Variants in IRGM observed in about 807,000 individuals in gnomAD.
IRGM encodes immunity related GTPase M, also known as immunity-related GTPase family M protein.
For synonymous variants in IRGM, 98 were observed against 80.6 expected, an observed-to-expected ratio of 1.22 and a Z score of -1.16; for missense variants, 288 against 219.9, an observed-to-expected ratio of 1.31 and a Z score of -1.96.
chr5:150,859,014 T>A (rs1388219237), intron 1 of IRGM, among the ~76,000 whole-genome samples: 3 of 152,190 alleles, frequency 2.0e-5, no homozygotes, highest in African/African-American at 7.2e-5. Flanking sequence ...CCATTTTCAA[T>A]GGGAATGCTT....
In IRGM at chr5:150,876,339, C is replaced by A. The variant is rs180879985; in HGVS notation, c.159-1641C>A. On this transcript the variant is annotated intron_variant and NMD_transcript_variant, in intron 1 of 3. Transcript: ENST00000520549. ...TCCATCACCTCTAATGACACACTAGCAAAATTTTTGTTTCCTGTTCCCATG... is the reference window on the plus strand; with the variant it reads ...TCCATCACCTCTAATGACACACTAGAAAAATTTTTGTTTCCTGTTCCCATG... Among the ~76,000 whole-genome samples the A allele has an allele frequency of 3.9e-3, 593 of 152,282 alleles. 8 individuals are homozygous for A. Among genetic ancestry groups the A allele is most frequent in the African/African-American group, 0.014 (561 of 41,550 alleles).
intron 1 of IRGM, among the ~76,000 whole-genome samples, chr5:150,858,910 C>T (rs1957705903): frequency 6.6e-6 from 1 of 152,122 alleles, no homozygotes; most frequent in Non-Finnish European, 1.5e-5. Context: ...TAATTGGATA[C>T]CCTTTATTTC....
chr5:150,884,243 C>T (rs1754485576), intron 3 of IRGM, among the ~76,000 whole-genome samples: 1 of 151,894 alleles, frequency 6.6e-6, no homozygotes, highest in African/African-American at 2.4e-5. Flanking sequence ...ATACTTTATA[C>T]TTATATTTAT....
chr5:150,867,676 T>C (rs538733692), intron 1 of IRGM, among the ~76,000 whole-genome samples: 20 of 152,164 alleles, frequency 1.3e-4, no homozygotes, highest in Admixed American at 1.1e-3. Context: ...TAGTCATCCT[T>C]GCAGGAGTAA....
chr5:150,866,037 G>A lies in IRGM; in HGVS notation c.159-11943G>A, dbSNP rs528961047. 5.3e-5 allele frequency among the ~76,000 whole-genome samples: 8 copies of A among 152,300 alleles called. No homozygotes were observed. In the East Asian group the frequency reaches 1.2e-3, roughly 22 times the overall value. On this transcript the variant is annotated intron_variant and NMD_transcript_variant, in intron 1 of 3. Coordinates refer to the IRGM transcript ENST00000520549. ...CTCCCAAAGTGCTAGGATTAGAGGCGTTTGCCACTGCGCTCAGCCAAGGAT... is the reference window on the plus strand; with the variant it reads ...CTCCCAAAGTGCTAGGATTAGAGGCATTTGCCACTGCGCTCAGCCAAGGAT...
At chr5:150,889,275 C>A (rs1191480547) in intron 3 of IRGM, among the ~76,000 whole-genome samples, 4 of 151,964 alleles carry the variant, frequency 2.6e-5, no homozygotes, top group Non-Finnish European at 5.9e-5. Context: ...GGAGGCCTCA[C>A]AATCATGGCA....
At chr5:150,856,184 G>T (rs908335401) in intron 1 of IRGM, among the ~76,000 whole-genome samples, 1 of 152,122 alleles carries the variant, frequency 6.6e-6, no homozygotes, top group Non-Finnish European at 1.5e-5. Context: ...TGTAATCCCA[G>T]CACTTTGAGA....
chr5:150,849,953 T>C (rs1047713602), downstream of IRGM, among the ~76,000 whole-genome samples: 2 of 152,154 alleles, frequency 1.3e-5, no homozygotes, highest in Non-Finnish European at 2.9e-5. Flanking sequence ...ACAGAAACTA[T>C]GCAAGAAAAC....
At chr5:150,885,597 T>C (rs899046129) in intron 3 of IRGM, among the ~76,000 whole-genome samples, 17 of 151,984 alleles carry the variant, frequency 1.1e-4, no homozygotes, top group Admixed American at 1.1e-3. Flanking sequence ...TCTTTGAGCA[T>C]TGTTTTGTAA....
downstream of IRGM, among the ~76,000 whole-genome samples, chr5:150,850,114 T>G (rs1753952871): frequency 6.6e-6 from 1 of 152,198 alleles, no homozygotes; most frequent in Non-Finnish European, 1.5e-5. Context: ...ACTCTAGCTT[T>G]TGGAGGGGAA....
intron 3 of IRGM, among the ~76,000 whole-genome samples, chr5:150,885,014 G>A (rs1366384893): frequency 1.3e-5 from 2 of 152,070 alleles, no homozygotes; most frequent in Non-Finnish European, 2.9e-5. Flanking sequence ...GGATGGTATT[G>A]CCTAGGTTGT....
At chr5:150,892,833 C>T (rs1014673935) in intron 3 of IRGM, among the ~76,000 whole-genome samples, 13 of 152,196 alleles carry the variant, frequency 8.5e-5, no homozygotes, top group African/African-American at 3.1e-4. Context: ...CAGCCTTGAG[C>T]TCCTGGGGTC....
chr5:150,863,475 T>C (rs17111409), intron 1 of IRGM, among the ~76,000 whole-genome samples: 1 of 152,210 alleles, frequency 6.6e-6, no homozygotes, highest in Non-Finnish European at 1.5e-5. Flanking sequence ...GGATAAAATA[T>C]AATGATTACC....
chr5:150,879,506 T>TAATG (rs1754413488), intron 2 of IRGM: 1 of 152,240 alleles, frequency 6.6e-6, no homozygotes, highest in Non-Finnish European at 1.5e-5. Flanking sequence ...AAGTACTTAG[T>TAATG]CTGGCCAGGC....
intron 3 of IRGM, among the ~76,000 whole-genome samples, chr5:150,881,281 C>G (rs538661711): frequency 6.6e-6 from 1 of 151,992 alleles, no homozygotes; most frequent in East Asian, 1.9e-4. Context: ...AAGCATATAA[C>G]AGATAAGGAG....
chr5:150,886,042 T>C (rs1198951615), intron 3 of IRGM, among the ~76,000 whole-genome samples: 2 of 152,166 alleles, frequency 1.3e-5, no homozygotes, highest in Non-Finnish European at 1.5e-5. Flanking sequence ...TGGCTGTTTG[T>C]CACAGATGGC....
intron 2 of IRGM, among the ~76,000 whole-genome samples, chr5:150,878,591 G>A (rs1754400299): frequency 6.6e-6 from 1 of 151,886 alleles, no homozygotes; most frequent in Non-Finnish European, 1.5e-5. Context: ...AATTTATTTA[G>A]AATTTATCTT....
At chr5:150,880,303 G>A (rs571311293) in intron 3 of IRGM, among the ~76,000 whole-genome samples, 4 of 152,160 alleles carry the variant, frequency 2.6e-5, no homozygotes, top group East Asian at 3.9e-4. Context: ...TCCTTGTTTC[G>A]TTCATTTAAG....
At chr5:150,869,119 T>C (rs1754246627) in intron 1 of IRGM, among the ~76,000 whole-genome samples, 1 of 152,212 alleles carries the variant, frequency 6.6e-6, no homozygotes, top group Admixed American at 6.5e-5. Flanking sequence ...TGGCTGTGGG[T>C]TTCTCATAGA....
Sources: allele counts gnomAD v4.1 joint callset (sites outside exome capture counted in the v4.1 genomes callset), GRCh38; gene constraint gnomAD v4.1.1; transcripts MANE v1.5; gene names NCBI Gene and HGNC (gene_info 2026-07-23, HGNC 2026-07-21).